The following DCC variants were observed in gnomAD, a reference collection of about 807,000 sequenced individuals.
DCC encodes DCC netrin 1 receptor, also known as netrin receptor DCC.
A neutral mutation model predicts 172.5 loss-of-function variants in DCC; 58 were observed. The observed-to-expected ratio is 0.34, with a 90% CI of 0.27 to 0.42. The LOEUF (loss-of-function observed/expected upper bound fraction) is 0.42. Among genes scored for constraint, DCC ranks in the 10% least tolerant of loss-of-function variants. DCC has a pLI of 1.00. For synonymous variants in DCC, 709 were observed against 644.5 expected, an observed-to-expected ratio of 1.10 and a Z score of -1.52; for missense variants, 1,740 against 1,791.0, an observed-to-expected ratio of 0.97 and a Z score of 0.51.
At chr18:52,367,650 G>C (rs1295445752) in intron 1 of DCC, among the ~76,000 whole-genome samples, 1 of 152,144 alleles carries the variant, frequency 6.6e-6, no homozygotes, top group Non-Finnish European at 1.5e-5. Context: ...TTTGTGTTTT[G>C]TCTTTGGCTG....
intron 2 of DCC, among the ~76,000 whole-genome samples, chr18:52,810,909 C>T (rs913767485): frequency 2.6e-5 from 4 of 152,100 alleles, no homozygotes; most frequent in Non-Finnish European, 5.9e-5. Context: ...ATTTGGCTGA[C>T]TCCTGTACTC....
At chr18:52,564,901 A>G (rs570458772) in intron 1 of DCC, among the ~76,000 whole-genome samples, 1 of 152,106 alleles carries the variant, frequency 6.6e-6, no homozygotes, top group Non-Finnish European at 1.5e-5. Context: ...ATGGGTACCT[A>G]GAGTGTGTTG....
chr18:53,293,186 G>A (rs1416854055), intron 12 of DCC, among the ~76,000 whole-genome samples: 2 of 152,118 alleles, frequency 1.3e-5, no homozygotes, highest in Non-Finnish European at 1.5e-5. Flanking sequence ...GCTGAGAGTA[G>A]AACAATATGC....
In DCC at chr18:52,471,944, G is replaced by A. The variant is rs199836324; in HGVS notation, c.91+131066G>A. ...GTCTCCAACAATGAAGTCAGTTTTC[G>A]CTGCTGAAGAATGACCTCACTGCTT... On this transcript the variant is annotated intron_variant, in intron 1 of 28. Transcript: ENST00000442544. Among the ~76,000 whole-genome samples the A allele has an allele frequency of 2.8e-4, 43 of 152,252 alleles. No homozygotes were observed. The East Asian group carries it at 4.8e-3, about 17-fold the overall frequency.
In DCC at chr18:53,256,051, G is replaced by C. The variant is rs186537991; in HGVS notation, c.1911+40454G>C. 7.2e-3 allele frequency among the ~76,000 whole-genome samples: 1,093 copies of C among 152,228 alleles called. 13 individuals carry two copies. The highest frequency in any genetic ancestry group is 9.3e-3 in the Non-Finnish European group (631 of 68,016). ...TGTTCATGTCCTTCACCCACTTTTT[G>C]ATGGGGTTGTTTGTTTTTTTCTTGT... On this transcript the variant is annotated intron_variant, in intron 12 of 28. Coordinates refer to ENST00000442544, the MANE Select transcript of DCC (RefSeq NM_005215.4).
chr18:53,375,187 T>C (rs1037417079), intron 15 of DCC, among the ~76,000 whole-genome samples: 1 of 152,186 alleles, frequency 6.6e-6, no homozygotes. Context: ...AAACAGGGAC[T>C]CAGGTTCATA....
rs143981602 is a variant in DCC at position 53,298,396 on chromosome 18, C to T, written c.1912-7182C>T. Among the ~76,000 whole-genome samples the T allele has an allele frequency of 2.9e-3, 447 of 151,598 alleles. 2 individuals carry two copies. The highest frequency in any genetic ancestry group is 0.01 in the African/African-American group (432 of 41,336). ...ACAAAAAATACAGAAAGTATTTAGC[C>T]GGACTATGTGGCTCCTGCCTGTAGT... On this transcript the variant is annotated intron_variant, in intron 12 of 28. Coordinates refer to ENST00000442544, the MANE Select transcript of DCC (RefSeq NM_005215.4).
At chr18:53,293,134 T>C (rs2057024954) in intron 12 of DCC, among the ~76,000 whole-genome samples, 1 of 152,228 alleles carries the variant, frequency 6.6e-6, no homozygotes, top group Non-Finnish European at 1.5e-5. Context: ...TTGATGCTGC[T>C]ATATAAATAA....
intron 14 of DCC, among the ~76,000 whole-genome samples, chr18:53,336,747 A>G (rs879839813): frequency 1.3e-5 from 2 of 152,184 alleles, no homozygotes; most frequent in African/African-American, 2.4e-5. Context: ...GTGGTGGCAC[A>G]TGCCTGTAGT....
rs558172390 is a variant in DCC, at chr18:53,103,059, G to A, written c.1261+36893G>A. On this transcript the variant is annotated intron_variant, in intron 7 of 28. Coordinates refer to ENST00000442544, the MANE Select transcript of DCC (RefSeq NM_005215.4). ...TTGAAAATTGTCTTGTTATTTATAC[G>A]TTCATACATTTACCCCATTCATTTA... is the stretch of plus-strand genomic sequence containing the variant. 1.9e-4 allele frequency among the ~76,000 whole-genome samples: 29 copies of A among 152,170 alleles called. 1 individual carries two copies. The South Asian group carries it at 4.6e-3, about 24-fold the overall frequency.
intron 12 of DCC, among the ~76,000 whole-genome samples, chr18:53,255,517 A>G (rs568405044): frequency 4.6e-5 from 7 of 151,860 alleles, no homozygotes; most frequent in East Asian, 1.9e-4. Context: ...TTCCAGCTTC[A>G]TCCATGTCCC....
chr18:53,352,044 C>G (rs1367726800), intron 15 of DCC, among the ~76,000 whole-genome samples: 1 of 151,920 alleles, frequency 6.6e-6, no homozygotes, highest in African/African-American at 2.4e-5. Context: ...AAGAAAGGAG[C>G]CTGGTATCAA....
At chr18:52,943,772 T>A (rs2040499732) in intron 5 of DCC, among the ~76,000 whole-genome samples, 1 of 152,054 alleles carries the variant, frequency 6.6e-6, no homozygotes, top group Admixed American at 6.6e-5. Flanking sequence ...TTGTTTGAGA[T>A]GGAGTCTCAC....
intron 1 of DCC, among the ~76,000 whole-genome samples, chr18:52,514,167 T>C (rs577139683): frequency 3.3e-5 from 5 of 152,328 alleles, no homozygotes; most frequent in African/African-American, 1.2e-4. Context: ...ATATATAATG[T>C]ATGTGTGTAT....
intron 13 of DCC, among the ~76,000 whole-genome samples, chr18:53,313,066 GGAAAGGAAGGAAGGA>G (rs2057300608): frequency 1.4e-5 from 2 of 147,992 alleles, no homozygotes; most frequent in African/African-American, 5.1e-5. Flanking sequence ...AGGAAAGGGT[GGAAAGGAAGGAAGGA>G]AAAAGGAAGG....
chr18:52,660,421 C>T (rs1426024709), intron 1 of DCC, among the ~76,000 whole-genome samples: 1 of 152,024 alleles, frequency 6.6e-6, no homozygotes, highest in Non-Finnish European at 1.5e-5. Flanking sequence ...CAAGCAGAAA[C>T]ACCTTTTAAT....
chr18:53,314,101 A>G (rs1193520317), intron 13 of DCC, among the ~76,000 whole-genome samples: 1 of 152,206 alleles, frequency 6.6e-6, no homozygotes, highest in Non-Finnish European at 1.5e-5. Flanking sequence ...TTATTACTTA[A>G]TCACGTTAGA....
chr18:52,684,591 G>T (rs1253394080), intron 1 of DCC, among the ~76,000 whole-genome samples: 1 of 152,026 alleles, frequency 6.6e-6, no homozygotes, highest in African/African-American at 2.4e-5. Context: ...CTGACATTTT[G>T]CATAACATCA....
intron 19 of DCC, among the ~76,000 whole-genome samples, chr18:53,406,657 T>C (rs1284606051): frequency 7.0e-6 from 1 of 142,800 alleles, no homozygotes; most frequent in Non-Finnish European, 1.5e-5. Context: ...CGAGCCGAGA[T>C]CCAGCTATTG....
Sources: gnomAD v4.1 joint callset for allele counts (sites outside exome capture counted in the v4.1 genomes callset) on GRCh38, gnomAD v4.1.1 for gene constraint, MANE v1.5 for transcripts, NCBI Gene and HGNC (gene_info 2026-07-23, HGNC 2026-07-21) for gene names.